The following CNTNAP2 variants were observed in gnomAD, a reference collection of about 807,000 sequenced individuals.
CNTNAP2 encodes contactin-associated protein-like 2.
Under a neutral mutation model 155.2 loss-of-function variants are expected in CNTNAP2, and 98 were observed. The ratio of observed to expected loss-of-function variants is 0.63; its 90% CI spans 0.54 to 0.75. CNTNAP2 has a LOEUF of 0.75. Ranked by LOEUF, CNTNAP2 falls within the 30% of genes least tolerant of loss-of-function variation. CNTNAP2 has a pLI of 0.00. For synonymous variants in CNTNAP2, 651 were observed against 631.2 expected, an observed-to-expected ratio of 1.03 and a Z score of -0.47; for missense variants, 1,727 against 1,688.1, an observed-to-expected ratio of 1.02 and a Z score of -0.40.
At chr7:147,243,186 T>A (rs1803981464) in intron 8 of CNTNAP2, among the ~76,000 whole-genome samples, 1 of 151,486 alleles carries the variant, frequency 6.6e-6, no homozygotes, top group Non-Finnish European at 1.5e-5. Flanking sequence ...TTGGTAGAGA[T>A]GGGGTTTCAC....
At chr7:148,331,578 G>A (rs1257819245) in intron 21 of CNTNAP2, among the ~76,000 whole-genome samples, 7 of 33,952 alleles carry the variant, frequency 2.1e-4, no homozygotes, top group East Asian at 9.3e-4. Context: ...GTGGATGGAT[G>A]GAATGGATGG....
chr7:147,634,254 C>T (rs147778381), intron 12 of CNTNAP2, among the ~76,000 whole-genome samples: 1 of 152,244 alleles, frequency 6.6e-6, no homozygotes, highest in Non-Finnish European at 1.5e-5. Context: ...TATATATACA[C>T]CATGGAATAC....
At chr7:148,086,688 T>G (rs546406586) in intron 15 of CNTNAP2, among the ~76,000 whole-genome samples, 12 of 152,114 alleles carry the variant, frequency 7.9e-5, no homozygotes, top group Non-Finnish European at 1.5e-4. Context: ...TATAGCTTCT[T>G]AGGGTTCAAA....
At chr7:146,701,997 T>A (rs1419779406) in intron 1 of CNTNAP2, among the ~76,000 whole-genome samples, 2 of 152,032 alleles carry the variant, frequency 1.3e-5, no homozygotes, top group Non-Finnish European at 2.9e-5. Context: ...CGCTGGAGAG[T>A]GAAATAATTA....
intron 21 of CNTNAP2, among the ~76,000 whole-genome samples, chr7:148,300,397 T>G (rs1797362369): frequency 1.3e-5 from 2 of 152,230 alleles, no homozygotes; most frequent in African/African-American, 4.8e-5. Context: ...TATGATTAAA[T>G]GTTGATTGCA....
At chr7:146,692,705 A>G (rs181208913) in intron 1 of CNTNAP2, among the ~76,000 whole-genome samples, 9 of 152,194 alleles carry the variant, frequency 5.9e-5, no homozygotes, top group Admixed American at 5.9e-4. Flanking sequence ...TTCATGTGTA[A>G]ATGGGGATCA....
chr7:147,177,439 TAA>T (rs1256754486), intron 8 of CNTNAP2, among the ~76,000 whole-genome samples: 1 of 152,148 alleles, frequency 6.6e-6, no homozygotes, highest in Non-Finnish European at 1.5e-5. Flanking sequence ...GCCGTGATTC[TAA>T]GTTTTCTGAG....
intron 3 of CNTNAP2, among the ~76,000 whole-genome samples, chr7:146,887,147 T>G (rs1178895132): frequency 6.6e-6 from 1 of 151,930 alleles, no homozygotes; most frequent in African/African-American, 2.4e-5. Context: ...ATAGTTTTTT[T>G]GTTTGTTTGT....
chr7:147,466,305 T>C (rs528895055), intron 10 of CNTNAP2, among the ~76,000 whole-genome samples: 90 of 152,328 alleles, frequency 5.9e-4, no homozygotes, highest in Middle Eastern at 6.8e-3. Context: ...AATGGAGGTT[T>C]TATGACCTAC....
chr7:146,278,383 A>G (rs1254235289), intron 1 of CNTNAP2, among the ~76,000 whole-genome samples: 1 of 152,196 alleles, frequency 6.6e-6, no homozygotes, highest in African/African-American at 2.4e-5. Flanking sequence ...TTTATGTAAC[A>G]TCAGTGTGAA....
At chr7:147,959,380 G>C (rs533889594) in intron 14 of CNTNAP2, among the ~76,000 whole-genome samples, 21 of 152,182 alleles carry the variant, frequency 1.4e-4, no homozygotes, top group African/African-American at 4.3e-4. Flanking sequence ...CCCACCATGA[G>C]TTTGATGCAA....
At chr7:147,547,072 G>A (rs973944119) in intron 11 of CNTNAP2, among the ~76,000 whole-genome samples, 1 of 152,112 alleles carries the variant, frequency 6.6e-6, no homozygotes, top group African/African-American at 2.4e-5. Context: ...ATATAAATTA[G>A]TATACAAGAA....
intron 13 of CNTNAP2, among the ~76,000 whole-genome samples, chr7:147,778,926 T>C (rs1190300946): frequency 2.0e-5 from 3 of 152,230 alleles, no homozygotes; most frequent in Non-Finnish European, 2.9e-5. Flanking sequence ...TAGTACTCTA[T>C]GTGTGGAAGG....
At chr7:147,531,070 C>T (rs528942533) in intron 11 of CNTNAP2, among the ~76,000 whole-genome samples, 1 of 152,344 alleles carries the variant, frequency 6.6e-6, no homozygotes, top group South Asian at 2.1e-4. Flanking sequence ...ACATCCAGGT[C>T]ACGCTGATGC....
intron 1 of CNTNAP2, among the ~76,000 whole-genome samples, chr7:146,244,163 C>A (rs1799607068): frequency 6.6e-6 from 1 of 152,154 alleles, no homozygotes; most frequent in Non-Finnish European, 1.5e-5. Context: ...CTCAGGACAT[C>A]TGATTAGAGA....
intron 3 of CNTNAP2, among the ~76,000 whole-genome samples, chr7:146,916,354 C>T (rs1404714554): frequency 6.6e-6 from 1 of 151,422 alleles, no homozygotes; most frequent in Non-Finnish European, 1.5e-5. Flanking sequence ...GAGAGGATTC[C>T]CTCTTTCTCT....
chr7:146,343,798 C>G (rs1265298759), intron 1 of CNTNAP2, among the ~76,000 whole-genome samples: 7 of 151,798 alleles, frequency 4.6e-5, no homozygotes, highest in Non-Finnish European at 8.8e-5. Context: ...AAAGTAAAGG[C>G]TATGTTTTAG....
chr7:146,368,849 C>T (rs963158146), intron 1 of CNTNAP2, among the ~76,000 whole-genome samples: 1 of 146,328 alleles, frequency 6.8e-6, no homozygotes, highest in Non-Finnish European at 1.5e-5. Context: ...AAATTATATA[C>T]ATATATATAT....
chr7:146,950,942 C>T (rs1322374003), intron 3 of CNTNAP2, among the ~76,000 whole-genome samples: 1 of 152,180 alleles, frequency 6.6e-6, no homozygotes, highest in Admixed American at 6.5e-5. Context: ...TCTCCACATC[C>T]TCTCCAGCAT....
Sources: allele counts gnomAD v4.1 joint callset (sites outside exome capture counted in the v4.1 genomes callset), GRCh38; gene constraint gnomAD v4.1.1; transcripts MANE v1.5; gene names NCBI Gene and HGNC (gene_info 2026-07-23, HGNC 2026-07-21).